Variants in SLC4A7 observed in about 807,000 individuals in gnomAD.
The protein encoded by SLC4A7 is sodium bicarbonate cotransporter 3.
A neutral mutation model predicts 137.6 loss-of-function variants in SLC4A7; 51 were observed. The observed-to-expected ratio is 0.37, with a 90% CI of 0.30 to 0.47. The LOEUF is 0.47. Ranked by LOEUF, SLC4A7 falls within the 20% of genes least tolerant of loss-of-function variation. SLC4A7 has a pLI of 1.00. For missense variants in SLC4A7, 1,247 were observed against 1,525.4 expected, an observed-to-expected ratio of 0.82 and a Z score of 3.04; for synonymous variants, 542 against 518.6, an observed-to-expected ratio of 1.05 and a Z score of -0.61.
At chr3:27,384,801 A>G (rs1646420273) in intron 23 of SLC4A7, among the ~76,000 whole-genome samples, 1 of 151,924 alleles carries the variant, frequency 6.6e-6, no homozygotes, top group Non-Finnish European at 1.5e-5. Flanking sequence ...TGTCTCTACT[A>G]AAAGTACAAA....
At chr3:27,407,107 G>C (rs2053440530) in intron 13 of SLC4A7, among the ~76,000 whole-genome samples, 1 of 88,192 alleles carries the variant, frequency 1.1e-5, no homozygotes, top group Non-Finnish European at 2.3e-5. Flanking sequence ...GCCATATGAA[G>C]ACCTTTTTTT....
chr3:27,474,414 C>T (rs573890112), intron 1 of SLC4A7, among the ~76,000 whole-genome samples: 3 of 152,180 alleles, frequency 2.0e-5, no homozygotes, highest in Admixed American at 6.5e-5. Context: ...AGATATATCA[C>T]ATTTTAAATA....
intron 3 of SLC4A7, among the ~76,000 whole-genome samples, chr3:27,441,355 CTCT>C (rs1229644664): frequency 5.9e-5 from 9 of 152,124 alleles, no homozygotes; most frequent in African/African-American, 1.7e-4. Context: ...GTGTTCCCTC[CTCT>C]TATGTTTTCT....
intron 11 of SLC4A7, among the ~76,000 whole-genome samples, chr3:27,416,651 A>C (rs1369556077): frequency 6.6e-6 from 1 of 152,218 alleles, no homozygotes; most frequent in Non-Finnish European, 1.5e-5. Context: ...TGCACAGTTC[A>C]AACTCATATT....
intron 13 of SLC4A7, among the ~76,000 whole-genome samples, chr3:27,407,458 G>A (rs1232631290): frequency 6.8e-6 from 1 of 148,088 alleles, no homozygotes. Context: ...CCAGCCTGGT[G>A]ACGGAGCGAG....
intron 22 of SLC4A7, among the ~76,000 whole-genome samples, chr3:27,386,437 A>C (rs940332263): frequency 2.6e-5 from 4 of 152,102 alleles, no homozygotes; most frequent in Non-Finnish European, 5.9e-5. Context: ...TTAACTTTTC[A>C]ATCATATGGG....
chr3:27,450,153 A>C (rs1269669913), intron 2 of SLC4A7, among the ~76,000 whole-genome samples: 1 of 152,126 alleles, frequency 6.6e-6, no homozygotes, highest in African/African-American at 2.4e-5. Flanking sequence ...ATAAATAATC[A>C]CCTTTTAAAT....
At chr3:27,479,733 T>C (rs860222) in intron 1 of SLC4A7, among the ~76,000 whole-genome samples, 141,512 of 152,272 alleles carry the variant, frequency 0.93, 65,856 homozygotes, top group East Asian at 1. Flanking sequence ...CTGCTTATTC[T>C]AAAACTAAAA....
intron 8 of SLC4A7, among the ~76,000 whole-genome samples, chr3:27,422,161 G>GACTA (rs550439488): frequency 9.5e-4 from 144 of 152,200 alleles, no homozygotes; most frequent in African/African-American, 3.4e-3. Context: ...CTTAACCTTA[G>GACTA]AAAACCTTTA....
In SLC4A7 at chr3:27,480,286, T is replaced by C. The variant is rs553140149; in HGVS notation, c.60+3781A>G. On this transcript the variant is annotated intron_variant, in intron 1 of 25. Coordinates refer to ENST00000454389, the MANE Select transcript of SLC4A7 (RefSeq NM_001321103.2). ...CTTCACTCTGTCACCCAGGCTGCAG[T>C]GCAATGGCATAATCACAGCTCACTG... is the stretch of plus-strand genomic sequence containing the variant. 7.2e-5 allele frequency among the ~76,000 whole-genome samples: 11 copies of C among 152,292 alleles called. No homozygotes were observed. The East Asian group carries it at 2.1e-3, about 29-fold the overall frequency.
chr3:27,389,321 G>A (rs1041106841), intron 22 of SLC4A7, among the ~76,000 whole-genome samples: 1 of 151,646 alleles, frequency 6.6e-6, no homozygotes, highest in Non-Finnish European at 1.5e-5. Flanking sequence ...TTATTTTAGT[G>A]GCTTTCCATT....
Position 27,419,833 on chromosome 3 carries a change from A to C in SLC4A7, c.1512+867T>G, listed in dbSNP as rs1434315603. ...GCAGTAGAGATGGAAAGAATATGAC[A>C]GATTAAATGCAAAACACATTGAAGA... On this transcript the variant is annotated intron_variant, in intron 10 of 25. Coordinates refer to ENST00000454389, the MANE Select transcript of SLC4A7 (RefSeq NM_001321103.2). Among the ~76,000 whole-genome samples, 3 of 152,164 alleles carry C rather than the reference A, an allele frequency of 2.0e-5. No individual in the cohort carries two copies. In the East Asian group the frequency reaches 5.8e-4, roughly 29 times the overall value.
intron 25 of SLC4A7, among the ~76,000 whole-genome samples, chr3:27,378,478 T>C (rs909458326): frequency 6.6e-6 from 1 of 152,202 alleles, no homozygotes; most frequent in African/African-American, 2.4e-5. Context: ...TCCAGAGGCT[T>C]AAGGGATTAA....
At position 27,403,225 on chromosome 3, in the gene SLC4A7, G is replaced by A; in HGVS notation, c.2235C>T (p.Ile745=). The change falls in exon 15 of 26, where the codon ATC becomes ATT. Residue 745 remains isoleucine (I), a synonymous_variant. Coordinates refer to ENST00000454389, the MANE Select transcript of SLC4A7 (RefSeq NM_001321103.2). ...AFAALICIIF[I]YEALEKLFDL... ...CAAAGAGCTTCTCCAAAGCCTCGTAGATGAATATGATGCAAATAAGGGCTG... is the reference window on the plus strand; with the variant it reads ...CAAAGAGCTTCTCCAAAGCCTCGTAAATGAATATGATGCAAATAAGGGCTG... The A allele has an allele frequency of 6.2e-7, 1 of 1,613,934 alleles. No individual in the cohort carries two copies. The highest frequency in any genetic ancestry group is 8.5e-7 in the Non-Finnish European group (1 of 1,179,916).
At chr3:27,453,357 A>G (rs943907650) in intron 1 of SLC4A7, among the ~76,000 whole-genome samples, 1 of 152,222 alleles carries the variant, frequency 6.6e-6, no homozygotes, top group Admixed American at 6.5e-5. Context: ...GCTCACGCCT[A>G]TAATTGGATC....
intron 1 of SLC4A7, among the ~76,000 whole-genome samples, chr3:27,474,524 A>C (rs2059386709): frequency 6.6e-6 from 1 of 152,130 alleles, no homozygotes; most frequent in African/African-American, 2.4e-5. Context: ...AGTCTGGCCA[A>C]CATAGTGAAA....
intron 21 of SLC4A7, among the ~76,000 whole-genome samples, chr3:27,391,379 C>T (rs1032563177): frequency 2.6e-5 from 4 of 152,128 alleles, no homozygotes; most frequent in East Asian, 3.8e-4. Context: ...ACACAAATGG[C>T]GGGTCTTGCT....
intron 1 of SLC4A7, among the ~76,000 whole-genome samples, chr3:27,471,735 G>A (rs1473975054): frequency 1.3e-5 from 2 of 152,154 alleles, no homozygotes; most frequent in African/African-American, 2.4e-5. Context: ...ACAAGTCCCA[G>A]GCCTGCATTT....
intron 7 of SLC4A7, among the ~76,000 whole-genome samples, chr3:27,427,754 ATAC>A (rs2055802046): frequency 6.6e-6 from 1 of 152,192 alleles, no homozygotes; most frequent in Non-Finnish European, 1.5e-5. Flanking sequence ...CAGCAGTTAC[ATAC>A]TATCTACAGT....
Sources: gnomAD v4.1 joint callset for allele counts (sites outside exome capture counted in the v4.1 genomes callset) on GRCh38, gnomAD v4.1.1 for gene constraint, MANE v1.5 for transcripts, NCBI Gene and HGNC (gene_info 2026-07-23, HGNC 2026-07-21) for gene names.